Variants in CAPG observed in about 807,000 individuals in gnomAD.
CAPG encodes macrophage-capping protein.
CAPG carries 32 observed loss-of-function variants against 44.6 expected under a neutral mutation model. The observed-to-expected ratio is 0.72, with a 90% CI of 0.54 to 0.96. The LOEUF is 0.96. Ranked by LOEUF, CAPG falls within the 50% of genes least tolerant of loss-of-function variation. The pLI, the probability that CAPG is intolerant of heterozygous loss-of-function variation, is 0.00. For missense variants in CAPG, 412 were observed against 438.3 expected, an observed-to-expected ratio of 0.94 and a Z score of 0.54; for synonymous variants, 175 against 179.6, an observed-to-expected ratio of 0.97 and a Z score of 0.20.
Position 85,401,812 on chromosome 2 carries a change from CT to C in CAPG, c.168del (p.Glu57ArgfsTer9). 2 of 1,614,108 alleles carry C rather than the reference CT, an allele frequency of 1.2e-6. No individual in the cohort carries two copies. The highest frequency in any genetic ancestry group is 1.7e-6 in the Non-Finnish European group (2 of 1,179,978). On this transcript the variant is annotated frameshift_variant, in exon 3 of 10. Coordinates refer to ENST00000263867, the MANE Select transcript of CAPG (RefSeq NM_001747.4). LOFTEE classifies it high-confidence loss of function. ...ATCCACAGGTGCAGATGGGAAACCT[CT>C]TCTGGGCCATTGTGCAGCACTAGGT... ...DSYLVLHNGP[E>X]EVSHLHLWIG...
At position 85,394,883 on chromosome 2, in the gene CAPG, A is replaced by G; in HGVS notation, c.*10T>C. ...GGGCAGGGGAGCATGGGGCAGGAAGACGCCCACCCTCATTTCCAGTCCTTG... is the reference window on the plus strand; with the variant it reads ...GGGCAGGGGAGCATGGGGCAGGAAGGCGCCCACCCTCATTTCCAGTCCTTG... On this transcript the variant is annotated 3_prime_UTR_variant, in exon 10 of 10. Coordinates refer to ENST00000263867, the MANE Select transcript of CAPG (RefSeq NM_001747.4). 6.2e-7 allele frequency: 1 copy of G among 1,606,804 alleles called. No individual in the cohort carries two copies. Among genetic ancestry groups the G allele is most frequent in the Non-Finnish European group, 8.5e-7 (1 of 1,173,294 alleles).
chr2:85,396,083 C>T (rs1019496502), intron 8 of CAPG: 1 of 158,486 alleles, frequency 6.3e-6, no homozygotes, highest in African/African-American at 2.4e-5. Context: ...CTACACTGGC[C>T]TAACAGTTAT....
upstream of CAPG, among the ~76,000 whole-genome samples, chr2:85,411,078 A>C (rs1188801419): frequency 6.6e-6 from 1 of 151,024 alleles, no homozygotes; most frequent in South Asian, 2.1e-4. Flanking sequence ...CTGGTCTAGA[A>C]CTCCTGAACT....
chr2:85,414,742 G>T (rs1436466738), upstream of CAPG, among the ~76,000 whole-genome samples: 1 of 152,114 alleles, frequency 6.6e-6, no homozygotes, highest in Non-Finnish European at 1.5e-5. Context: ...GCTGAACCAG[G>T]ATTCTAACCC....
chr2:85,417,095 C>A (rs1687568503), intron 1 of CAPG, among the ~76,000 whole-genome samples: 2 of 152,274 alleles, frequency 1.3e-5, no homozygotes, highest in South Asian at 4.1e-4. Flanking sequence ...GGGAGGGCAC[C>A]AGGTGCCTGG....
In CAPG at chr2:85,401,608, C is replaced by T. The variant is rs371246622; in HGVS notation, c.272G>A (p.Arg91Gln). 45 of 1,613,978 alleles carry T rather than the reference C, an allele frequency of 2.8e-5. 1 individual carries two copies. The highest frequency in any genetic ancestry group is 3.3e-4 in the Middle Eastern group (2 of 6,084). Reference sequence around the variant, plus strand: ...CTGCACCTCGCGGTGCTGCACAGGCCGCTCTCCCAGCAGCGTGTTGAGGTG... The same window carrying T: ...CTGCACCTCGCGGTGCTGCACAGGCTGCTCTCCCAGCAGCGTGTTGAGGTG... ...AVHLNTLLGE[R>Q]PVQHREVQGN... is the part of the protein sequence containing the mutation. Residue 91 changes from arginine to glutamine, a missense_variant, in exon 4 of 10, where the codon CGG (arginine) becomes CAG (glutamine). Arg to Gln is a conservative substitution (Grantham distance 43). Coordinates refer to ENST00000263867, the MANE Select transcript of CAPG (RefSeq NM_001747.4).
chr2:85,408,547 G>C (rs1463827570), intron 1 of CAPG, among the ~76,000 whole-genome samples: 2 of 152,080 alleles, frequency 1.3e-5, no homozygotes, highest in East Asian at 1.9e-4. Context: ...ATCTCAACTG[G>C]AGCAAGGACA....
intron 1 of CAPG, among the ~76,000 whole-genome samples, chr2:85,407,878 C>T (rs1343409209): frequency 6.6e-6 from 1 of 152,114 alleles, no homozygotes; most frequent in African/African-American, 2.4e-5. Flanking sequence ...GTTGAAACTC[C>T]TGCTGCCTCA....
chr2:85,415,181 T>TAA (rs1160379997), upstream of CAPG, among the ~76,000 whole-genome samples: 1 of 152,122 alleles, frequency 6.6e-6, no homozygotes, highest in Non-Finnish European at 1.5e-5. Context: ...AGACTCAGCT[T>TAA]AAATATCCCT....
At chr2:85,411,149 C>T (rs1178906074), upstream of CAPG, among the ~76,000 whole-genome samples, 1 of 152,200 alleles carries the variant, frequency 6.6e-6, no homozygotes, top group East Asian at 1.9e-4. Flanking sequence ...GGCTACTGCA[C>T]CTGGCTAAGC....
At chr2:85,407,071 A>G (rs946429396) in intron 1 of CAPG, among the ~76,000 whole-genome samples, 1 of 151,546 alleles carries the variant, frequency 6.6e-6, no homozygotes, top group African/African-American at 2.4e-5. Flanking sequence ...GTGGGATTAG[A>G]GGCGTGCACC....
At chr2:85,409,822 A>C (rs1687337062) in intron 1 of CAPG, 1 of 152,182 alleles carries the variant, frequency 6.6e-6, no homozygotes, top group South Asian at 2.1e-4. Flanking sequence ...CAAAATAATC[A>C]AATGTGCCAC....
intron 8 of CAPG, among the ~76,000 whole-genome samples, chr2:85,397,774 C>G (rs113793303): frequency 0.064 from 9,662 of 151,698 alleles, 345 homozygotes; most frequent in African/African-American, 0.084. Flanking sequence ...AATCCCAGCA[C>G]TTTGGGAGGC....
intron 1 of CAPG, among the ~76,000 whole-genome samples, chr2:85,404,543 G>A (rs1687057697): frequency 1.3e-5 from 2 of 152,244 alleles, no homozygotes; most frequent in East Asian, 1.9e-4. Context: ...GAGGTCAGGA[G>A]TTCGAGACCA....
At chr2:85,400,435 G>A (rs534374595) in intron 5 of CAPG, among the ~76,000 whole-genome samples, 9 of 151,960 alleles carry the variant, frequency 5.9e-5, no homozygotes, top group Admixed American at 4.6e-4. Context: ...AATCTTCAGC[G>A]CCACAAGACG....
intron 1 of CAPG, among the ~76,000 whole-genome samples, chr2:85,417,011 A>G (rs375914274): frequency 1.1e-4 from 16 of 152,354 alleles, no homozygotes; most frequent in African/African-American, 3.8e-4. Flanking sequence ...AGGGGCAACC[A>G]GAACAGTGAC....
At chr2:85,402,215 G>GT (rs1686937475) in intron 1 of CAPG, 57 bp from the exon 2 acceptor site, 1 of 1,464,394 alleles carries the variant, frequency 6.8e-7, no homozygotes, top group African/African-American at 1.4e-5. Flanking sequence ...GACCTCTCAC[G>GT]TGGGGCTGGA....
intron 8 of CAPG, among the ~76,000 whole-genome samples, chr2:85,396,299 C>A (rs1686593331): frequency 6.6e-6 from 1 of 152,166 alleles, no homozygotes; most frequent in Non-Finnish European, 1.5e-5. Flanking sequence ...AATCTGCCCA[C>A]CTCAGCCTCT....
intron 4 of CAPG, 88 bp from the exon 5 acceptor site, chr2:85,401,417 G>A (rs2104808029): frequency 6.3e-7 from 1 of 1,576,040 alleles, no homozygotes; most frequent in Non-Finnish European, 8.7e-7. Flanking sequence ...GCAGAAAGGT[G>A]GGGACCCGGC....
Sources: gnomAD v4.1 joint callset for allele counts (sites outside exome capture counted in the v4.1 genomes callset) on GRCh38, gnomAD v4.1.1 for gene constraint, MANE v1.5 for transcripts, NCBI Gene and HGNC (gene_info 2026-07-23, HGNC 2026-07-21) for gene names.